Variants in MARCHF1 observed in about 807,000 individuals in gnomAD.
MARCHF1 encodes the protein membrane associated ring-CH-type finger 1.
MARCHF1 carries 40 observed loss-of-function variants against 54.2 expected under a neutral mutation model. That is an observed-to-expected ratio of 0.74 (90% CI 0.57 to 0.96). MARCHF1 has a LOEUF of 0.96. Ranked by LOEUF, MARCHF1 falls within the 40% of genes least tolerant of loss-of-function variation. The pLI is 0.00. For synonymous variants in MARCHF1, 236 were observed against 236.3 expected (o/e 1.00, Z 0.01); for missense variants, 586 against 656.5 (o/e 0.89, Z 1.17).
Position 163,821,009 on chromosome 4 carries a change from A to G in MARCHF1, c.111+33012T>C, listed in dbSNP as rs148587652. 2.2e-3 allele frequency among the ~76,000 whole-genome samples: 338 copies of G among 152,114 alleles called. 2 individuals carry two copies. The highest frequency in any genetic ancestry group is 7.8e-3 in the African/African-American group (322 of 41,516). ...AAAAGTAAGCTTGTTAACTTCCTCT[A>G]CACTGTCCCGCATGGTCCTGGCTCC... is the stretch of plus-strand genomic sequence containing the variant. On this transcript the variant is annotated intron_variant, in intron 4 of 9. Transcript: ENST00000514618.
intron 1 of MARCHF1, among the ~76,000 whole-genome samples, chr4:164,192,283 T>C (rs1441870929): frequency 2.0e-5 from 3 of 152,208 alleles, no homozygotes. Context: ...TCTTTTAAAT[T>C]CATACATCAT....
At chr4:163,856,630 T>C (rs1295520614) in intron 3 of MARCHF1, among the ~76,000 whole-genome samples, 1 of 152,240 alleles carries the variant, frequency 6.6e-6, no homozygotes, top group Middle Eastern at 3.2e-3. Flanking sequence ...GTTTGTTTAA[T>C]GACTTCCTCT....
chr4:163,559,093 C>T (rs1393325370), intron 8 of MARCHF1, among the ~76,000 whole-genome samples: 2 of 152,004 alleles, frequency 1.3e-5, no homozygotes, highest in African/African-American at 4.8e-5. Context: ...GCCCTATAGC[C>T]CCCTTCCCTT....
At chr4:163,832,296 C>T (rs531473826) in intron 4 of MARCHF1, among the ~76,000 whole-genome samples, 1 of 152,250 alleles carries the variant, frequency 6.6e-6, no homozygotes, top group Admixed American at 6.5e-5. Flanking sequence ...GTCAGAAATG[C>T]AAGATTGCAA....
At chr4:164,128,916 T>C (rs1278453437) in intron 1 of MARCHF1, among the ~76,000 whole-genome samples, 3 of 152,116 alleles carry the variant, frequency 2.0e-5, no homozygotes, top group Non-Finnish European at 4.4e-5. Flanking sequence ...CCCCAAGAGG[T>C]AGGCTCCCTC....
At chr4:164,043,239 G>A (rs561138795) in intron 2 of MARCHF1, among the ~76,000 whole-genome samples, 2 of 152,304 alleles carry the variant, frequency 1.3e-5, no homozygotes, top group Admixed American at 1.3e-4. Context: ...TTCTCCATGA[G>A]GGCTCCATCC....
rs142146406 is a variant in MARCHF1, at chr4:163,891,401, G to A, written c.-38-37232C>T. 1.9e-3 allele frequency among the ~76,000 whole-genome samples: 291 copies of A among 151,850 alleles called. 2 individuals carry two copies. The highest frequency in any genetic ancestry group is 6.4e-3 in the African/African-American group (266 of 41,404). On this transcript the variant is annotated intron_variant, in intron 3 of 9. Transcript: ENST00000514618. ...TTTCCAATTAAATTATTTACACAAC[G>A]CTTCATGTTCTGTTTTCTCATTTTA...
At chr4:164,217,792 C>A (rs1004714196) in intron 1 of MARCHF1, among the ~76,000 whole-genome samples, 1 of 152,126 alleles carries the variant, frequency 6.6e-6, no homozygotes, top group African/African-American at 2.4e-5. Context: ...CCCCACTCAT[C>A]GGTCTCCCTG....
At chr4:163,733,149 T>TTTTC (rs1554008788) in intron 4 of MARCHF1, among the ~76,000 whole-genome samples, 2 of 62,566 alleles carry the variant, frequency 3.2e-5, no homozygotes, top group Admixed American at 1.9e-4. Flanking sequence ...AAGACTCCAT[T>TTTTC]TCTCTCTCTC....
chr4:163,726,079 T>C (rs1173879759), intron 4 of MARCHF1, among the ~76,000 whole-genome samples: 1 of 152,154 alleles, frequency 6.6e-6, no homozygotes, highest in Non-Finnish European at 1.5e-5. Context: ...CTCCCCACTA[T>C]CAAAATCCTG....
At position 163,528,478 on chromosome 4, in the gene MARCHF1, C is replaced by G. The variant is rs944548551; in HGVS notation, c.*270G>C. On this transcript the variant is annotated 3_prime_UTR_variant, in exon 10 of 10. Transcript: ENST00000514618. ...GATTACTGCCTAAAAGCATTCATTG[C>G]CCCAGTAGTTCTTAATTGTCTTGGA... is the stretch of plus-strand genomic sequence containing the variant. 6 of 409,998 alleles carry G rather than the reference C, an allele frequency of 1.5e-5. No individual in the cohort carries two copies. The Admixed American group carries it at 2.5e-4, about 17-fold the overall frequency. The allele number at this position is 409,998 out of a possible 1,614,324, so 25.4% of individuals were successfully genotyped here.
chr4:164,247,577 T>G (rs1264665753), intron 1 of MARCHF1, among the ~76,000 whole-genome samples: 4 of 143,580 alleles, frequency 2.8e-5, no homozygotes, highest in Non-Finnish European at 6.0e-5. Context: ...ATGCACAATG[T>G]GCACATGTAC....
At chr4:163,605,623 AC>A (rs1354985458) in intron 7 of MARCHF1, among the ~76,000 whole-genome samples, 1 of 152,190 alleles carries the variant, frequency 6.6e-6, no homozygotes, top group Non-Finnish European at 1.5e-5. Context: ...TTATTGCAGC[AC>A]TGTTCACAAT....
At chr4:163,991,389 C>T (rs770004830) in intron 2 of MARCHF1, among the ~76,000 whole-genome samples, 2 of 152,150 alleles carry the variant, frequency 1.3e-5, no homozygotes, top group African/African-American at 4.8e-5. Flanking sequence ...TACACATCAG[C>T]TAATATCAAT....
intron 2 of MARCHF1, among the ~76,000 whole-genome samples, chr4:164,109,397 G>T (rs1451535199): frequency 1.3e-5 from 2 of 151,838 alleles, no homozygotes; most frequent in African/African-American, 4.8e-5. Context: ...AACAGTCCAG[G>T]TTTATTATAC....
At chr4:163,963,947 C>T (rs919070865) in intron 3 of MARCHF1, among the ~76,000 whole-genome samples, 1 of 151,948 alleles carries the variant, frequency 6.6e-6, no homozygotes, top group African/African-American at 2.4e-5. Flanking sequence ...GCAAGAACTT[C>T]TCAGCTGAGC....
chr4:164,097,349 T>C (rs1018170091), intron 2 of MARCHF1, among the ~76,000 whole-genome samples: 3 of 152,194 alleles, frequency 2.0e-5, no homozygotes, highest in African/African-American at 7.2e-5. Context: ...ATCTCTTGAA[T>C]CCTTAAATTA....
intron 4 of MARCHF1, among the ~76,000 whole-genome samples, chr4:163,833,948 G>A (rs1749104826): frequency 6.6e-6 from 1 of 152,144 alleles, no homozygotes; most frequent in Non-Finnish European, 1.5e-5. Flanking sequence ...CTACAAATGA[G>A]CAGCAGTGCC....
intron 4 of MARCHF1, among the ~76,000 whole-genome samples, chr4:163,735,757 G>C (rs1249077144): frequency 6.6e-6 from 1 of 151,130 alleles, no homozygotes; most frequent in Non-Finnish European, 1.5e-5. Flanking sequence ...CTTGCTTCTT[G>C]TACACTATTA....
Sources: gnomAD v4.1 joint callset for allele counts (sites outside exome capture counted in the v4.1 genomes callset) on GRCh38, gnomAD v4.1.1 for gene constraint, MANE v1.5 for transcripts, NCBI Gene and HGNC (gene_info 2026-07-23, HGNC 2026-07-21) for gene names.